ESRRG: variants seen among roughly 807,000 people sequenced by gnomAD.
The protein encoded by ESRRG is estrogen-related receptor gamma.
Under a neutral mutation model 44.0 loss-of-function variants are expected in ESRRG, and 13 were observed. That is an observed-to-expected ratio of 0.30 (90% CI 0.19 to 0.47). ESRRG has a LOEUF of 0.47. ESRRG is among the 20% of genes least tolerant of loss of function. The pLI is 1.00. For missense variants in ESRRG, 395 were observed against 580.6 expected (o/e 0.68, Z 3.29); for synonymous variants, 215 against 214.6 (o/e 1.00, Z -0.02).
intron 1 of ESRRG, among the ~76,000 whole-genome samples, chr1:217,026,788 G>T (rs1462616911): frequency 1.3e-5 from 2 of 151,858 alleles, no homozygotes; most frequent in African/African-American, 4.8e-5. Flanking sequence ...ATTCCATGCA[G>T]AGTCCCCAGT....
intron 2 of ESRRG, among the ~76,000 whole-genome samples, chr1:216,896,940 T>C (rs1392017882): frequency 6.6e-6 from 1 of 152,208 alleles, no homozygotes; most frequent in Admixed American, 6.5e-5. Context: ...ATTACACAGG[T>C]TAAAATGTTA....
chr1:216,531,654 C>T (rs915145110), intron 5 of ESRRG, among the ~76,000 whole-genome samples: 1 of 152,102 alleles, frequency 6.6e-6, no homozygotes, highest in Non-Finnish European at 1.5e-5. Flanking sequence ...TGGTAAAAGG[C>T]TGCCGGTGGT....
intron 2 of ESRRG, among the ~76,000 whole-genome samples, chr1:216,835,323 C>T (rs1025022831): frequency 6.6e-5 from 10 of 152,110 alleles, no homozygotes; most frequent in African/African-American, 2.4e-4. Context: ...ATTATATACA[C>T]AAAAAGGGGA....
intron 2 of ESRRG, among the ~76,000 whole-genome samples, chr1:216,784,291 T>C (rs1291191097): frequency 6.6e-6 from 1 of 152,086 alleles, no homozygotes; most frequent in Non-Finnish European, 1.5e-5. Flanking sequence ...TTAATTGTTG[T>C]CAAGATTTTT....
intron 1 of ESRRG, among the ~76,000 whole-genome samples, chr1:217,129,596 A>C (rs1465966460): frequency 6.6e-6 from 1 of 152,222 alleles, no homozygotes; most frequent in Non-Finnish European, 1.5e-5. Context: ...CATAATATTG[A>C]ATACTATTCA....
intron 2 of ESRRG, among the ~76,000 whole-genome samples, chr1:216,778,999 A>G (rs1297141789): frequency 1.3e-5 from 2 of 149,348 alleles, no homozygotes; most frequent in Non-Finnish European, 3.0e-5. Flanking sequence ...TGTTATGTCA[A>G]TGCTGAAACA....
chr1:216,737,335 G>A (rs1356744908), intron 2 of ESRRG, among the ~76,000 whole-genome samples: 1 of 152,116 alleles, frequency 6.6e-6, no homozygotes, highest in Non-Finnish European at 1.5e-5. Flanking sequence ...GTGGGCTGGT[G>A]GGTTAAAGTC....
chr1:216,729,563 TGTAA>T (rs1472521160), intron 2 of ESRRG, among the ~76,000 whole-genome samples: 7 of 152,288 alleles, frequency 4.6e-5, no homozygotes, highest in Non-Finnish European at 1.0e-4. Flanking sequence ...ATTGGCTGCA[TGTAA>T]TGAAAGGGAA....
chr1:216,886,048 T>A (rs374647113), intron 2 of ESRRG, among the ~76,000 whole-genome samples: 1 of 152,308 alleles, frequency 6.6e-6, no homozygotes, highest in East Asian at 1.9e-4. Context: ...TGAAGATACT[T>A]TCCTTGTTGT....
chr1:216,930,642 G>A (rs2063210296), intron 2 of ESRRG, among the ~76,000 whole-genome samples: 1 of 152,172 alleles, frequency 6.6e-6, no homozygotes. Context: ...ATCTAGTTAA[G>A]AACCTGTAGA....
At chr1:216,562,714 T>A (rs2059005339) in intron 5 of ESRRG, among the ~76,000 whole-genome samples, 1 of 152,036 alleles carries the variant, frequency 6.6e-6, no homozygotes, top group Admixed American at 6.6e-5. Flanking sequence ...ATGATGATAT[T>A]TAAAATGTGT....
At chr1:217,116,022 A>G (rs993488968) in intron 1 of ESRRG, among the ~76,000 whole-genome samples, 4 of 152,224 alleles carry the variant, frequency 2.6e-5, no homozygotes, top group African/African-American at 9.6e-5. Context: ...AGGATATTTC[A>G]CAAGGGTAAT....
At chr1:216,969,608 G>A (rs887272527) in intron 1 of ESRRG, among the ~76,000 whole-genome samples, 8 of 151,794 alleles carry the variant, frequency 5.3e-5, no homozygotes, top group African/African-American at 9.7e-5. Context: ...TTTTTGAGAC[G>A]GAGTTTCGCT....
chr1:216,747,816 G>A (rs575732569), intron 2 of ESRRG, among the ~76,000 whole-genome samples: 1 of 152,046 alleles, frequency 6.6e-6, no homozygotes, highest in Non-Finnish European at 1.5e-5. Flanking sequence ...ACAGTATGTG[G>A]CATAATTCAA....
At chr1:216,619,739 T>G (rs563356982) in intron 3 of ESRRG, among the ~76,000 whole-genome samples, 1 of 152,324 alleles carries the variant, frequency 6.6e-6, no homozygotes, top group Non-Finnish European at 1.5e-5. Context: ...CAACATAGAA[T>G]GGTTTGTTTA....
intron 3 of ESRRG, among the ~76,000 whole-genome samples, chr1:216,580,413 G>A (rs991359562): frequency 3.3e-5 from 5 of 152,228 alleles, no homozygotes; most frequent in Admixed American, 1.3e-4. Flanking sequence ...AAAGGAGTTG[G>A]CTGAAAGGTA....
intron 1 of ESRRG, among the ~76,000 whole-genome samples, chr1:216,692,518 T>A (rs1220609459): frequency 1.3e-5 from 2 of 152,204 alleles, no homozygotes; most frequent in Non-Finnish European, 2.9e-5. Context: ...GCAGTTTATA[T>A]AAAATCAAAA....
chr1:216,845,958 G>A (rs779678417), intron 2 of ESRRG, among the ~76,000 whole-genome samples: 9 of 152,076 alleles, frequency 5.9e-5, no homozygotes, highest in East Asian at 1.9e-4. Flanking sequence ...GAAGGAAATC[G>A]TCTACAGAAG....
chr1:216,831,194 A>T (rs774852298), intron 2 of ESRRG, among the ~76,000 whole-genome samples: 1 of 152,130 alleles, frequency 6.6e-6, no homozygotes, highest in Non-Finnish European at 1.5e-5. Flanking sequence ...TGTCTGGTGC[A>T]TATTTTTTAA....
Sources: gnomAD v4.1 joint callset for allele counts (sites outside exome capture counted in the v4.1 genomes callset) on GRCh38, gnomAD v4.1.1 for gene constraint, MANE v1.5 for transcripts, NCBI Gene and HGNC (gene_info 2026-07-23, HGNC 2026-07-21) for gene names.